Variants in CEP250 observed in about 807,000 individuals in gnomAD.
The protein encoded by CEP250 is centrosome-associated protein CEP250.
A neutral mutation model predicts 315.7 loss-of-function variants in CEP250; 242 were observed. That is an observed-to-expected ratio of 0.77 (90% confidence interval 0.69 to 0.85). The LOEUF is 0.85. Ranked by LOEUF, CEP250 falls within the 40% of genes least tolerant of loss-of-function variation. The pLI is 0.00. For missense variants in CEP250, 2,515 were observed against 2,886.4 expected (o/e 0.87, Z 2.95); for synonymous variants, 1,088 against 1,175.0 (o/e 0.93, Z 1.51).
chr20:35,516,944 C>G lies in CEP250; in HGVS notation c.*5318C>G, dbSNP rs2064441553. 8 of 984,432 alleles carry G rather than the reference C, an allele frequency of 8.1e-6. No homozygotes were observed. The South Asian group carries it at 2.4e-4, about 29-fold the overall frequency. 61.0% of individuals were successfully genotyped at this position (984,432 alleles called of 1,614,324 possible). A position where few individuals can be genotyped will look rare whatever the true frequency, so the allele number is the denominator to read the frequency against. ...CGTCAGCCACAGGTGAGCATAAGCT[C>G]AAACCCCCCCATTGAAGGCTACATT... On this transcript the variant is annotated 3_prime_UTR_variant, in exon 35 of 35. Coordinates refer to ENST00000397527, the MANE Select transcript of CEP250 (RefSeq NM_007186.6).
At chr20:35,463,493 G>A (rs902128749) in intron 4 of CEP250, 82 bp from the exon 5 acceptor site, 1 of 1,243,368 alleles carries the variant, frequency 8.0e-7, no homozygotes, top group African/African-American at 1.5e-5. Flanking sequence ...TAGCAAGTTT[G>A]CCTAAGATCC....
intron 20 of CEP250, among the ~76,000 whole-genome samples, chr20:35,480,349 T>A (rs1441300064): frequency 6.6e-6 from 1 of 152,132 alleles, no homozygotes; most frequent in Admixed American, 6.5e-5. Flanking sequence ...GTGTTAGCCA[T>A]TATTATTGTT....
chr20:35,498,455 A>G (rs1165945647), intron 26 of CEP250, 140 bp from the exon 27 acceptor site: 2 of 1,028,572 alleles, frequency 1.9e-6, no homozygotes, highest in South Asian at 1.5e-5. Flanking sequence ...TGGAGAAAAT[A>G]TGTGATGAGT....
intron 33 of CEP250, 82 bp downstream of exon 33, chr20:35,509,126 G>A (rs1045434883): frequency 2.8e-5 from 32 of 1,127,394 alleles, no homozygotes; most frequent in Non-Finnish European, 3.6e-5. Context: ...TGCATATCCC[G>A]GGCCAACAGC....
chr20:35,498,457 G>A (rs2063907962), intron 26 of CEP250, 138 bp from the exon 27 acceptor site: 1 of 1,044,014 alleles, frequency 9.6e-7, no homozygotes, highest in South Asian at 1.5e-5. Context: ...GAGAAAATAT[G>A]TGATGAGTGA....
At chr20:35,488,784 G>C (rs2063597073) in intron 20 of CEP250, among the ~76,000 whole-genome samples, 2 of 152,150 alleles carry the variant, frequency 1.3e-5, no homozygotes. Context: ...CAATTGTATG[G>C]TCTGGGAAGG....
intron 20 of CEP250, among the ~76,000 whole-genome samples, chr20:35,488,858 C>T (rs2063599840): frequency 6.6e-6 from 1 of 151,970 alleles, no homozygotes; most frequent in Non-Finnish European, 1.5e-5. Flanking sequence ...AAGGGCTTTC[C>T]AGGTAGAAGG....
intron 1 of CEP250, among the ~76,000 whole-genome samples, chr20:35,457,068 C>T (rs1306662386): frequency 6.6e-6 from 1 of 152,104 alleles, no homozygotes; most frequent in Non-Finnish European, 1.5e-5. Flanking sequence ...AGTTGTGAGC[C>T]ACCACACCCA....
chr20:35,491,167 G>A (rs868250961), intron 21 of CEP250, 45 bp from the exon 22 acceptor site: 8 of 1,599,776 alleles, frequency 5.0e-6, no homozygotes, highest in Non-Finnish European at 6.8e-6. Context: ...TGGTGAGCAT[G>A]GTAATCCTGA....
chr20:35,489,043 C>T (rs533894879), intron 20 of CEP250, among the ~76,000 whole-genome samples: 2 of 152,176 alleles, frequency 1.3e-5, no homozygotes, highest in South Asian at 4.2e-4. Flanking sequence ...AAAAAAATAG[C>T]TGGGAGTGGT....
intron 27 of CEP250, among the ~76,000 whole-genome samples, chr20:35,499,508 A>G (rs2063941029): frequency 1.3e-5 from 2 of 152,172 alleles, no homozygotes; most frequent in Non-Finnish European, 2.9e-5. Flanking sequence ...TGTCATCCAT[A>G]TGTCAGCCAC....
intron 14 of CEP250, chr20:35,474,882 A>G (rs1469972776): frequency 4.2e-6 from 2 of 470,784 alleles, no homozygotes; most frequent in Non-Finnish European, 8.8e-6. Flanking sequence ...GAGCAGGGAT[A>G]TATCTTCATC....
chr20:35,499,150 C>G (rs1429080383), intron 27 of CEP250, among the ~76,000 whole-genome samples: 3 of 152,168 alleles, frequency 2.0e-5, no homozygotes, highest in Non-Finnish European at 4.4e-5. Context: ...CGGTGGGCAC[C>G]TGTAATCCCA....
At chr20:35,475,667 A>G in intron 15 of CEP250, 21 bp downstream of exon 15, 1 of 1,610,584 alleles carries the variant, frequency 6.2e-7, no homozygotes, top group Non-Finnish European at 8.5e-7. Context: ...TCCTCTCCTC[A>G]CTTGCTGGGT....
chr20:35,496,388 G>A (rs562277008), intron 24 of CEP250, among the ~76,000 whole-genome samples, 189 bp from the exon 25 acceptor site: 3 of 152,038 alleles, frequency 2.0e-5, no homozygotes, highest in Admixed American at 6.5e-5. Context: ...GGCATCATCT[G>A]CAGGAAGTAC....
intron 12 of CEP250, 128 bp from the exon 13 acceptor site, chr20:35,473,246 C>T: frequency 2.8e-6 from 2 of 703,774 alleles, no homozygotes; most frequent in Non-Finnish European, 4.7e-6. Flanking sequence ...TGAATAGTTG[C>T]ATCTCCCTTC....
At chr20:35,472,000 A>G (rs1480861177) in intron 10 of CEP250, 50 bp from the exon 11 acceptor site, 3 of 1,133,174 alleles carry the variant, frequency 2.6e-6, no homozygotes, top group Admixed American at 1.7e-5. Flanking sequence ...GGAATAATAA[A>G]TTCACTTTTG....
chr20:35,508,085 A>T lies in CEP250; in HGVS notation c.6801A>T (p.Ser2267=), dbSNP rs1274821680. The T allele has an allele frequency of 6.2e-7, 1 of 1,614,208 alleles. No individual in the cohort carries two copies. Residue 2267 remains serine, a synonymous_variant, in exon 32 of 35, where the codon TCA becomes TCT. Coordinates refer to ENST00000397527, the MANE Select transcript of CEP250 (RefSeq NM_007186.6). ...GTCCTGATGGAATGGAGAAGCAGTCATGGAGACAAAGGCTTGAACACCTGC... is the reference window on the plus strand; with the variant it reads ...GTCCTGATGGAATGGAGAAGCAGTCTTGGAGACAAAGGCTTGAACACCTGC... ...EPSPDGMEKQ[S]WRQRLEHLQQ... is the part of the protein sequence containing the mutation.
At chr20:35,508,330 C>A in intron 32 of CEP250, 140 bp downstream of exon 32, 1 of 913,614 alleles carries the variant, frequency 1.1e-6, no homozygotes, top group Non-Finnish European at 1.6e-6. Context: ...TTTTTTTTTC[C>A]CGAGACAGAG....
Sources: allele counts gnomAD v4.1 joint callset (sites outside exome capture counted in the v4.1 genomes callset), GRCh38; gene constraint gnomAD v4.1.1; transcripts MANE v1.5; gene names NCBI Gene and HGNC (gene_info 2026-07-23, HGNC 2026-07-21).